NAALADL2: variants seen among roughly 807,000 people sequenced by gnomAD.
NAALADL2 encodes N-acetylated alpha-linked acidic dipeptidase like 2, also known as inactive N-acetylated-alpha-linked acidic dipeptidase-like protein 2.
In NAALADL2, 76 loss-of-function variants were observed where a neutral mutation model predicts 87.2. The observed-to-expected ratio is 0.87, with a 90% CI of 0.72 to 1.05. NAALADL2 has a LOEUF of 1.05. Ranked by LOEUF, NAALADL2 falls within the 50% of genes least tolerant of loss-of-function variation. The pLI is 0.00. For synonymous variants in NAALADL2, 354 were observed against 331.0 expected (o/e 1.07, Z -0.75); for missense variants, 1,089 against 945.8 (o/e 1.15, Z -1.99).
chr3:175,650,973 A>G (rs1188122592), intron 11 of NAALADL2, among the ~76,000 whole-genome samples: 1 of 152,176 alleles, frequency 6.6e-6, no homozygotes, highest in East Asian at 1.9e-4. Context: ...TTATCTCCTC[A>G]TCTTTGAAAT....
chr3:174,951,898 C>T (rs1740426235), intron 1 of NAALADL2, among the ~76,000 whole-genome samples: 1 of 151,926 alleles, frequency 6.6e-6, no homozygotes, highest in South Asian at 2.1e-4. Context: ...GTTATTATTC[C>T]CCTATATCAA....
At chr3:174,947,910 T>C in intron 1 of NAALADL2, among the ~76,000 whole-genome samples, 1 of 152,226 alleles carries the variant, frequency 6.6e-6, no homozygotes, top group East Asian at 1.9e-4. Context: ...CTTGCTGCCA[T>C]TTTAGTAACT....
At chr3:174,578,590 G>C (rs540297917) in intron 2 of NAALADL2, among the ~76,000 whole-genome samples, 1 of 152,066 alleles carries the variant, frequency 6.6e-6, no homozygotes, top group East Asian at 1.9e-4. Flanking sequence ...TTTTGGAAGG[G>C]TAGATTTATA....
chr3:175,543,996 C>T (rs1712842179), intron 9 of NAALADL2, among the ~76,000 whole-genome samples: 1 of 152,118 alleles, frequency 6.6e-6, no homozygotes, highest in South Asian at 2.1e-4. Flanking sequence ...TGGTTAGTTA[C>T]TTCTCAGAAC....
At chr3:175,605,668 G>C (rs796480683) in intron 10 of NAALADL2, among the ~76,000 whole-genome samples, 75 of 51,254 alleles carry the variant, frequency 1.5e-3, no homozygotes, top group African/African-American at 4.1e-3. Flanking sequence ...ACTGTATTTA[G>C]ATAACACGTA....
chr3:174,927,330 A>G (rs1709196465), intron 1 of NAALADL2, among the ~76,000 whole-genome samples: 1 of 152,174 alleles, frequency 6.6e-6, no homozygotes, highest in South Asian at 2.1e-4. Context: ...ATATCCAGAA[A>G]TTGAACTCAG....
chr3:174,907,506 A>G (rs1387045064), intron 1 of NAALADL2, among the ~76,000 whole-genome samples: 2 of 152,126 alleles, frequency 1.3e-5, no homozygotes, highest in Non-Finnish European at 2.9e-5. Flanking sequence ...CAAAACTGCT[A>G]TCAAATTTCT....
At chr3:175,486,282 A>G (rs1727242619) in intron 9 of NAALADL2, among the ~76,000 whole-genome samples, 2 of 152,152 alleles carry the variant, frequency 1.3e-5, no homozygotes, top group African/African-American at 2.4e-5. Context: ...ACAGAGTGCA[A>G]GTATCCTAGA....
At chr3:174,710,235 TTTTTTTTTTCTTTTTCTTTTCTTTTTG>T (rs1393504148) in intron 2 of NAALADL2, among the ~76,000 whole-genome samples, 2 of 151,236 alleles carry the variant, frequency 1.3e-5, no homozygotes, top group African/African-American at 4.9e-5. Flanking sequence ...GCCTCCTTTT[TTTTTTTTTTCTTTTTCTTTTCTTTTTG>T]TTTTTTTTTT....
chr3:174,902,292 T>G (rs1004868214), intron 1 of NAALADL2, among the ~76,000 whole-genome samples: 4 of 152,158 alleles, frequency 2.6e-5, no homozygotes, highest in African/African-American at 9.7e-5. Context: ...TTTATAAATT[T>G]CTAAAACAGG....
At chr3:174,850,651 C>G (rs182230325) in intron 3 of NAALADL2, among the ~76,000 whole-genome samples, 6 of 151,974 alleles carry the variant, frequency 3.9e-5, no homozygotes, top group Admixed American at 1.3e-4. Flanking sequence ...AGATAGAGAC[C>G]CCAATACAAT....
At chr3:175,295,428 C>A (rs1756191947) in intron 4 of NAALADL2, among the ~76,000 whole-genome samples, 1 of 152,072 alleles carries the variant, frequency 6.6e-6, no homozygotes, top group Non-Finnish European at 1.5e-5. Flanking sequence ...CTGACTGGTA[C>A]AGCAATATAC....
At chr3:175,070,209 T>TA (rs200787238) in intron 1 of NAALADL2, among the ~76,000 whole-genome samples, 16,713 of 151,380 alleles carry the variant, frequency 0.11, 1,063 homozygotes, top group East Asian at 0.21. Flanking sequence ...AAAATTACAA[T>TA]AAAAAATCTT....
intron 1 of NAALADL2, among the ~76,000 whole-genome samples, chr3:174,915,907 G>A (rs931516075): frequency 1.3e-5 from 2 of 152,110 alleles, no homozygotes; most frequent in African/African-American, 4.8e-5. Flanking sequence ...CTTCTGCACA[G>A]CAAAAGAAAT....
intron 1 of NAALADL2, among the ~76,000 whole-genome samples, chr3:174,878,359 G>A (rs1579317539): frequency 6.6e-6 from 1 of 151,962 alleles, no homozygotes. Context: ...TACTCAGTGG[G>A]ATTTGGCCAA....
intron 11 of NAALADL2, among the ~76,000 whole-genome samples, chr3:175,731,683 C>T (rs190524776): frequency 5.9e-5 from 9 of 152,270 alleles, no homozygotes; most frequent in Admixed American, 1.3e-4. Context: ...TTAGTCTAAC[C>T]ATTCCGTTGT....
chr3:174,611,064 G>A (rs1412730069), intron 2 of NAALADL2, among the ~76,000 whole-genome samples: 4 of 151,468 alleles, frequency 2.6e-5, no homozygotes, highest in African/African-American at 4.9e-5. Context: ...CTATCACAAG[G>A]ACAAAAAATC....
intron 3 of NAALADL2, among the ~76,000 whole-genome samples, chr3:174,841,000 A>AT (rs909617424): frequency 6.6e-6 from 1 of 151,760 alleles, no homozygotes; most frequent in South Asian, 2.1e-4. Flanking sequence ...TCCTGGACTC[A>AT]TTTTTTAGGA....
chr3:174,700,600 T>C (rs1239726049), intron 2 of NAALADL2, among the ~76,000 whole-genome samples: 1 of 152,250 alleles, frequency 6.6e-6, no homozygotes, highest in Non-Finnish European at 1.5e-5. Flanking sequence ...TATTGAATGC[T>C]TTCTGTGTTT....
Sources: gnomAD v4.1 joint callset for allele counts (sites outside exome capture counted in the v4.1 genomes callset) on GRCh38, gnomAD v4.1.1 for gene constraint, MANE v1.5 for transcripts, NCBI Gene and HGNC (gene_info 2026-07-23, HGNC 2026-07-21) for gene names.